Variants in SLC4A7 observed in about 807,000 individuals in gnomAD.
The protein encoded by SLC4A7 is sodium bicarbonate cotransporter 3.
SLC4A7 carries 51 observed loss-of-function variants against 137.6 expected under a neutral mutation model. The ratio of observed to expected loss-of-function variants is 0.37; its 90% CI spans 0.30 to 0.47. The LOEUF (loss-of-function observed/expected upper bound fraction) is 0.47. Among genes scored for constraint, SLC4A7 ranks in the 20% least tolerant of loss-of-function variants. The pLI is 1.00. For missense variants in SLC4A7, 1,247 were observed against 1,525.4 expected (o/e 0.82, Z 3.04); for synonymous variants, 542 against 518.6 (o/e 1.05, Z -0.61).
intron 3 of SLC4A7, among the ~76,000 whole-genome samples, chr3:27,445,942 AAAAAAAAAAAAAAAAAAAAAAATAT>A (rs1469058212): frequency 1.9e-5 from 1 of 52,236 alleles, no homozygotes; most frequent in Non-Finnish European, 3.2e-5. Context: ...AAAAAAAAAA[AAAAAAAAAAAAAAAAAAAAAAATAT>A]ATATATATAT....
At chr3:27,433,016 T>C (rs562396604) in intron 6 of SLC4A7, among the ~76,000 whole-genome samples, 4 of 152,330 alleles carry the variant, frequency 2.6e-5, no homozygotes, top group Admixed American at 2.6e-4. Flanking sequence ...AGGGTTTTCA[T>C]GGCCAAGTGG....
At chr3:27,394,294 C>G (rs2051910644) in intron 20 of SLC4A7, among the ~76,000 whole-genome samples, 3 of 152,304 alleles carry the variant, frequency 2.0e-5, no homozygotes, top group Non-Finnish European at 4.4e-5. Context: ...GCTGGGATTA[C>G]AGGCGTAAGC....
intron 1 of SLC4A7, among the ~76,000 whole-genome samples, chr3:27,469,158 AAACTC>A (rs1490667559): frequency 6.6e-6 from 1 of 152,186 alleles, no homozygotes; most frequent in Non-Finnish European, 1.5e-5. Context: ...TCTTTGGAAA[AAACTC>A]AAATCATTTT....
intron 1 of SLC4A7, among the ~76,000 whole-genome samples, chr3:27,473,863 T>C (rs2059357822): frequency 6.6e-6 from 1 of 152,094 alleles, no homozygotes; most frequent in Non-Finnish European, 1.5e-5. Context: ...ACAAATTGTG[T>C]GTGTACCCAA....
intron 11 of SLC4A7, among the ~76,000 whole-genome samples, chr3:27,415,276 G>T (rs979317690): frequency 6.6e-6 from 1 of 152,220 alleles, no homozygotes; most frequent in Admixed American, 6.5e-5. Context: ...CTGACTTCAG[G>T]AACAATGCAC....
chr3:27,481,761 G>C (rs2059717584), intron 1 of SLC4A7, among the ~76,000 whole-genome samples: 1 of 152,184 alleles, frequency 6.6e-6, no homozygotes, highest in African/African-American at 2.4e-5. Context: ...CCCTTCTAAA[G>C]TGCTCCCCTA....
intron 25 of SLC4A7, among the ~76,000 whole-genome samples, chr3:27,377,443 A>G (rs1204143138): frequency 5.9e-5 from 9 of 152,170 alleles, no homozygotes; most frequent in Admixed American, 5.9e-4. Context: ...CCCAGGCTGG[A>G]GTGCAATGGC....
At chr3:27,427,380 T>C (rs1361909747) in intron 7 of SLC4A7, among the ~76,000 whole-genome samples, 1 of 151,770 alleles carries the variant, frequency 6.6e-6, no homozygotes, top group Non-Finnish European at 1.5e-5. Flanking sequence ...CCTCAAGTGA[T>C]CCTCCCCTCT....
rs1041682519 is a variant in SLC4A7, at chr3:27,421,868, T to A, written c.1267-89A>T. ...GGAAAGAAAAACTGCTTTATAAGAC[T>A]ACTATTTGCTAATCAAAACTTGTGA... On this transcript the variant is annotated intron_variant, in intron 8 of 25. Transcript: ENST00000454389. The A allele has an allele frequency of 8.0e-6, 7 of 879,944 alleles. No homozygotes were observed. The South Asian group carries it at 1.4e-4, about 17-fold the overall frequency. 54.5% of individuals were successfully genotyped at this position (879,944 alleles called of 1,614,324 possible).
At chr3:27,392,948 G>C (rs1235487995) in intron 20 of SLC4A7, among the ~76,000 whole-genome samples, 1 of 151,998 alleles carries the variant, frequency 6.6e-6, no homozygotes, top group Non-Finnish European at 1.5e-5. Context: ...TAAGACTGAA[G>C]ACCAATATAA....
At chr3:27,479,423 C>CA (rs56385410) in intron 1 of SLC4A7, among the ~76,000 whole-genome samples, 51,907 of 142,178 alleles carry the variant, frequency 0.37, 9,330 homozygotes, top group East Asian at 0.73. Flanking sequence ...GCCTCAGCAA[C>CA]AAAAAAAAAA....
chr3:27,439,235 A>G (rs2057002307), intron 3 of SLC4A7, among the ~76,000 whole-genome samples: 1 of 152,228 alleles, frequency 6.6e-6, no homozygotes, highest in Non-Finnish European at 1.5e-5. Flanking sequence ...AACAGATAAG[A>G]AGGAAGAAAA....
rs757172381 is a variant in SLC4A7 at position 27,404,870 on chromosome 3, G to GA, written c.2034dup (p.Pro679SerfsTer6). 6.2e-7 allele frequency: 1 copy of GA among 1,610,006 alleles called. No individual in the cohort carries two copies. The highest frequency in any genetic ancestry group is 1.7e-4 in the Middle Eastern group (1 of 6,052). Reference sequence around the variant, plus strand: ...AAAATTTTTTCAAACACTAGAACTGGACCTGTGCTCCCCAATATTGTTAGA... The same window carrying GA: ...AAAATTTTTTCAAACACTAGAACTGGAACCTGTGCTCCCCAATATTGTTAGA... On this transcript the variant is annotated frameshift_variant, in exon 14 of 26. Coordinates refer to ENST00000454389, the MANE Select transcript of SLC4A7 (RefSeq NM_001321103.2). LOFTEE classifies it high-confidence loss of function.
chr3:27,484,211 C>G lies in SLC4A7; in HGVS notation c.-85G>C. On this transcript the variant is annotated 5_prime_UTR_variant, in exon 1 of 26. Transcript: ENST00000454389. Reference sequence around the variant, plus strand: ...CTGCCGCTGCCCCTGCCGCCGCCGCCGAGCCCCCGGCGCGCGAGGACAAAC... The same window carrying G: ...CTGCCGCTGCCCCTGCCGCCGCCGCGGAGCCCCCGGCGCGCGAGGACAAAC... The G allele has an allele frequency of 8.9e-7, 1 of 1,124,950 alleles. No homozygotes were observed. Among genetic ancestry groups the G allele is most frequent in the Non-Finnish European group, 1.1e-6 (1 of 891,956 alleles). 69.7% of individuals were successfully genotyped at this position (1,124,950 alleles called of 1,614,324 possible).
At chr3:27,398,010 A>G in intron 17 of SLC4A7, 182 bp downstream of exon 17, 1 of 618,742 alleles carries the variant, frequency 1.6e-6, no homozygotes, top group Non-Finnish European at 2.8e-6. Context: ...TTATGGTACC[A>G]TCATCTTCCT....
intron 1 of SLC4A7, among the ~76,000 whole-genome samples, chr3:27,453,286 C>T (rs1327935333): frequency 2.6e-5 from 4 of 152,156 alleles, no homozygotes; most frequent in Admixed American, 2.6e-4. Flanking sequence ...AGATTCTATG[C>T]CACTGCTAGA....
At chr3:27,415,474 TG>T (rs2054294525) in intron 11 of SLC4A7, among the ~76,000 whole-genome samples, 1 of 152,222 alleles carries the variant, frequency 6.6e-6, no homozygotes, top group Admixed American at 6.5e-5. Context: ...CATTAAATCC[TG>T]GTGCTCACTA....
intron 1 of SLC4A7, among the ~76,000 whole-genome samples, chr3:27,481,306 T>TA (rs1210793367): frequency 6.6e-6 from 1 of 152,152 alleles, no homozygotes; most frequent in Non-Finnish European, 1.5e-5. Flanking sequence ...CAGTGAAAAT[T>TA]AGAGAATTTT....
intron 11 of SLC4A7, among the ~76,000 whole-genome samples, chr3:27,414,433 G>T (rs1289391271): frequency 6.6e-6 from 1 of 152,068 alleles, no homozygotes; most frequent in African/African-American, 2.4e-5. Context: ...ATGAACAGTC[G>T]AACATATATT....
Sources: allele counts gnomAD v4.1 joint callset (sites outside exome capture counted in the v4.1 genomes callset), GRCh38; gene constraint gnomAD v4.1.1; transcripts MANE v1.5; gene names NCBI Gene and HGNC (gene_info 2026-07-23, HGNC 2026-07-21).